Variants in TENM3 observed in about 807,000 individuals in gnomAD.
The protein encoded by TENM3 is teneurin transmembrane protein 3.
In TENM3, 63 loss-of-function variants were observed where a neutral mutation model predicts 255.1. The ratio of observed to expected loss-of-function variants is 0.25; its 90% confidence interval spans 0.20 to 0.30. TENM3 has a LOEUF of 0.30. TENM3 is among the 10% of genes least tolerant of loss of function. The pLI, the probability that TENM3 is intolerant of heterozygous loss-of-function variation, is 1.00. For synonymous variants in TENM3, 1,306 were observed against 1,322.3 expected, an observed-to-expected ratio of 0.99 and a Z score of 0.27; for missense variants, 2,929 against 3,461.1, an observed-to-expected ratio of 0.85 and a Z score of 3.86.
chr4:182,341,299 T>C (rs1764475296), intron 2 of TENM3, among the ~76,000 whole-genome samples: 1 of 152,162 alleles, frequency 6.6e-6, no homozygotes, highest in Admixed American at 6.5e-5. Context: ...AACTATAAAA[T>C]AGAAAATTAC....
chr4:182,762,278 G>A (rs893990740), intron 22 of TENM3, among the ~76,000 whole-genome samples: 1 of 152,168 alleles, frequency 6.6e-6, no homozygotes, highest in African/African-American at 2.4e-5. Context: ...AAGAGTAAAT[G>A]CAGCTTCCAC....
intron 22 of TENM3, among the ~76,000 whole-genome samples, chr4:182,764,671 G>C (rs1428890592): frequency 1.3e-5 from 2 of 152,290 alleles, no homozygotes; most frequent in Middle Eastern, 3.4e-3. Flanking sequence ...AGCTCAGAAT[G>C]ACAGGAGCAT....
intron 5 of TENM3, among the ~76,000 whole-genome samples, chr4:182,633,318 C>A (rs1336293975): frequency 2.6e-5 from 4 of 152,148 alleles, no homozygotes; most frequent in Non-Finnish European, 5.9e-5. Flanking sequence ...TTTTCTTGGC[C>A]ACTCTGATAG....
At chr4:182,543,253 G>A (rs1474147408) in intron 3 of TENM3, among the ~76,000 whole-genome samples, 2 of 152,078 alleles carry the variant, frequency 1.3e-5, no homozygotes, top group East Asian at 3.9e-4. Context: ...AAGGGAGGGA[G>A]GAAGGGAAGT....
At chr4:182,060,316 G>A in the TENM3 span, among the ~76,000 whole-genome samples, 1 of 152,138 alleles carries the variant, frequency 6.6e-6, no homozygotes, top group Non-Finnish European at 1.5e-5. Context: ...TTTCATGGAA[G>A]ACCATTTCTC....
chr4:182,672,159 G>A (rs1755272767), intron 6 of TENM3, among the ~76,000 whole-genome samples: 1 of 152,198 alleles, frequency 6.6e-6, no homozygotes, highest in Admixed American at 6.5e-5. Context: ...GGCAAAGAGG[G>A]AAAAGAGGAA....
At chr4:181,589,341 A>G in the TENM3 span, among the ~76,000 whole-genome samples, 2 of 152,208 alleles carry the variant, frequency 1.3e-5, no homozygotes, top group Non-Finnish European at 2.9e-5. Flanking sequence ...CTGAAGGGCT[A>G]GTCCTTGCAG....
At chr4:182,444,990 G>A (rs1772796999) in intron 3 of TENM3, among the ~76,000 whole-genome samples, 1 of 152,112 alleles carries the variant, frequency 6.6e-6, no homozygotes, top group South Asian at 2.1e-4. Context: ...TGTATTTTTA[G>A]TGGAGATGGG....
Position 182,753,679 on chromosome 4 carries a change from G to A in TENM3, c.4017+75G>A, listed in dbSNP as rs1437343054. ...CTTATTCAGTCGGTAGACTATGATG[G>A]CACCATATTAAACTGCATATATCAT... is the stretch of plus-strand genomic sequence containing the variant. On this transcript the variant is annotated intron_variant, in intron 21 of 27. Coordinates refer to ENST00000511685, the MANE Select transcript of TENM3 (RefSeq NM_001080477.4). The A allele has an allele frequency of 2.8e-6, 4 of 1,433,990 alleles. No individual in the cohort carries two copies. In the Admixed American group the frequency reaches 5.5e-5, roughly 20 times the overall value. 88.8% of individuals were successfully genotyped at this position (1,433,990 alleles called of 1,614,324 possible).
chr4:182,605,284 G>GT (rs1466931959), intron 4 of TENM3, among the ~76,000 whole-genome samples: 2 of 152,132 alleles, frequency 1.3e-5, no homozygotes, highest in Non-Finnish European at 2.9e-5. Flanking sequence ...GATGACTAAG[G>GT]TTGACTGACT....
chr4:182,678,128 G>A (rs1289156832), intron 7 of TENM3, among the ~76,000 whole-genome samples: 3 of 152,074 alleles, frequency 2.0e-5, no homozygotes, highest in African/African-American at 7.2e-5. Context: ...TATAGACACT[G>A]AATCACTCTA....
chr4:182,625,525 G>A (rs577423923), intron 4 of TENM3, among the ~76,000 whole-genome samples: 150 of 152,156 alleles, frequency 9.9e-4, no homozygotes, highest in Non-Finnish European at 1.4e-3. Flanking sequence ...TGTCTTCCAC[G>A]AAACCGGTCC....
the TENM3 span, among the ~76,000 whole-genome samples, chr4:181,922,677 A>G: frequency 4.6e-5 from 7 of 151,952 alleles, no homozygotes; most frequent in Admixed American, 3.9e-4. Context: ...GATCCTTTCA[A>G]AAAACCAGCT....
the TENM3 span, among the ~76,000 whole-genome samples, chr4:182,073,233 C>G: frequency 7.9e-5 from 12 of 152,164 alleles, no homozygotes; most frequent in Non-Finnish European, 1.5e-4. Flanking sequence ...GGTGCTTAAA[C>G]CATCAGATCT....
At chr4:182,231,485 C>T (rs1756577676) in intron 1 of TENM3, among the ~76,000 whole-genome samples, 1 of 152,194 alleles carries the variant, frequency 6.6e-6, no homozygotes, top group South Asian at 2.1e-4. Context: ...CTTGAGTACA[C>T]TAAACTCTCT....
chr4:181,481,018 G>C, the TENM3 span, among the ~76,000 whole-genome samples: 1 of 151,370 alleles, frequency 6.6e-6, no homozygotes, highest in Non-Finnish European at 1.5e-5. Context: ...GAAACGACTA[G>C]AATAAAATTG....
the TENM3 span, among the ~76,000 whole-genome samples, chr4:181,866,263 C>T: frequency 0.022 from 3,403 of 152,218 alleles, 155 homozygotes; most frequent in African/African-American, 0.078. Flanking sequence ...TAGCTAAAAT[C>T]ACAGTGAATC....
At chr4:181,653,458 G>A in the TENM3 span, among the ~76,000 whole-genome samples, 10 of 152,136 alleles carry the variant, frequency 6.6e-5, no homozygotes, top group East Asian at 3.9e-4. Context: ...CGCCCAGGCC[G>A]GAGTGCAATG....
rs537369482 is a variant in TENM3 at position 182,367,963 on chromosome 4, A to G, written c.511+21034A>G. 4.6e-5 allele frequency among the ~76,000 whole-genome samples: 7 copies of G among 152,334 alleles called. No individual in the cohort carries two copies. The East Asian group carries it at 1.4e-3, about 29-fold the overall frequency. ...AGTGACCACTCGGTATCTAATAAAA[A>G]TACTACATCATACTAGCCTAGTTAA... On this transcript the variant is annotated intron_variant, in intron 3 of 27. Coordinates refer to ENST00000511685, the MANE Select transcript of TENM3 (RefSeq NM_001080477.4).
Sources: allele counts gnomAD v4.1 joint callset (sites outside exome capture counted in the v4.1 genomes callset), GRCh38; gene constraint gnomAD v4.1.1; transcripts MANE v1.5; gene names NCBI Gene and HGNC (gene_info 2026-07-23, HGNC 2026-07-21).